Variants in ADCY2 observed in about 807,000 individuals in gnomAD.
ADCY2 encodes the protein adenylate cyclase 2, also known as adenylate cyclase type 2.
A neutral mutation model predicts 125.2 loss-of-function variants in ADCY2; 31 were observed. The observed-to-expected ratio is 0.25, with a 90% confidence interval of 0.19 to 0.33. The LOEUF (loss-of-function observed/expected upper bound fraction) is 0.33. ADCY2 is among the 10% of genes least tolerant of loss of function. The pLI, the probability that ADCY2 is intolerant of heterozygous loss-of-function variation, is 1.00. For missense variants in ADCY2, 904 were observed against 1,418.2 expected, an observed-to-expected ratio of 0.64 and a Z score of 5.82; for synonymous variants, 512 against 548.4, an observed-to-expected ratio of 0.93 and a Z score of 0.93.
At chr5:7,499,241 C>T (rs1016173388) in intron 2 of ADCY2, among the ~76,000 whole-genome samples, 1 of 152,060 alleles carries the variant, frequency 6.6e-6, no homozygotes, top group Non-Finnish European at 1.5e-5. Context: ...CTCTTGACCT[C>T]ATGATCCACC....
At position 7,802,690 on chromosome 5, in the gene ADCY2, G is replaced by C. The variant is rs1269432074; in HGVS notation, c.2775+326G>C. Among the ~76,000 whole-genome samples the C allele has an allele frequency of 6.6e-6, 1 of 152,150 alleles. No homozygotes were observed. Among genetic ancestry groups the C allele is most frequent in the East Asian group, 1.9e-4 (1 of 5,194 alleles). On this transcript the variant is annotated intron_variant, in intron 21 of 24. Transcript: ENST00000338316. This position sits in a 1 kb window ranked among gnomAD's most constrained non-coding sequence, Gnocchi z 4.6. ...TTGCCCATCCCTTTCTAGATAAAAAGATAATGAATTATAATAGACTATTGG... is the reference window on the plus strand; with the variant it reads ...TTGCCCATCCCTTTCTAGATAAAAACATAATGAATTATAATAGACTATTGG...
At chr5:7,493,920 A>G (rs1323485473) in intron 2 of ADCY2, among the ~76,000 whole-genome samples, 2 of 151,918 alleles carry the variant, frequency 1.3e-5, no homozygotes, top group Non-Finnish European at 2.9e-5. Flanking sequence ...AGGTCCATAA[A>G]CCCAGCAGCC....
intron 4 of ADCY2, among the ~76,000 whole-genome samples, chr5:7,632,646 A>G (rs78498595): frequency 1.7e-3 from 252 of 152,326 alleles, no homozygotes; most frequent in African/African-American, 5.8e-3. Flanking sequence ...TGCTATTCCA[A>G]TCCATCGGAA....
intron 2 of ADCY2, among the ~76,000 whole-genome samples, chr5:7,415,541 A>G (rs1739905917): frequency 6.6e-6 from 1 of 152,122 alleles, no homozygotes; most frequent in Admixed American, 6.5e-5. Context: ...TGTTGTCCTT[A>G]AATTCCTTCT....
At chr5:7,744,459 GA>G (rs1406218004) in intron 15 of ADCY2, among the ~76,000 whole-genome samples, 1 of 152,206 alleles carries the variant, frequency 6.6e-6, no homozygotes, top group East Asian at 1.9e-4. Context: ...AGTAGTTGAA[GA>G]AAGCATACGT....
At chr5:7,468,323 A>G (rs1742204832) in intron 2 of ADCY2, among the ~76,000 whole-genome samples, 1 of 152,178 alleles carries the variant, frequency 6.6e-6, no homozygotes, top group South Asian at 2.1e-4. Flanking sequence ...ACTCTTTGTG[A>G]AGTGTTCTTT....
chr5:7,460,406 T>C (rs2126437981), intron 2 of ADCY2, among the ~76,000 whole-genome samples: 1 of 152,278 alleles, frequency 6.6e-6, no homozygotes, highest in East Asian at 1.9e-4. Context: ...GTATCTTTTA[T>C]ACAGTGATAA....
chr5:7,414,481 G>A, intron 1 of ADCY2, 92 bp from the exon 2 acceptor site: 1 of 1,088,432 alleles, frequency 9.2e-7, no homozygotes, highest in East Asian at 2.6e-5. Flanking sequence ...TTCTGACATT[G>A]ACAAGCGTTG....
chr5:7,589,347 A>G (rs1371949329), intron 3 of ADCY2, among the ~76,000 whole-genome samples: 1 of 151,260 alleles, frequency 6.6e-6, no homozygotes, highest in African/African-American at 2.4e-5. Flanking sequence ...CAAAGTAAAA[A>G]AGACTGGAAA....
chr5:7,823,559 T>C lies in ADCY2; in HGVS notation c.3123+2870T>C, dbSNP rs112540749. On this transcript the variant is annotated intron_variant, in intron 24 of 24. Coordinates refer to ENST00000338316, the MANE Select transcript of ADCY2 (RefSeq NM_020546.3). ...AGCCACTTCTAATGCCCAGGGATAC[T>C]CCTGCAATCCTGGACAACCCCAGGT... Among the ~76,000 whole-genome samples the C allele has an allele frequency of 3.2e-3, 487 of 152,304 alleles. 4 individuals carry two copies. Among genetic ancestry groups the C allele is most frequent in the African/African-American group, 0.011 (461 of 41,568 alleles).
intron 4 of ADCY2, among the ~76,000 whole-genome samples, chr5:7,660,230 G>A (rs1251729467): frequency 1.5e-5 from 2 of 134,830 alleles, no homozygotes. Flanking sequence ...GAGGGAGGGA[G>A]GGAGGGAGAG....
At chr5:7,667,455 A>G (rs950816358) in intron 4 of ADCY2, among the ~76,000 whole-genome samples, 1 of 152,168 alleles carries the variant, frequency 6.6e-6, no homozygotes, top group Admixed American at 6.5e-5. Flanking sequence ...CATTTTTTTG[A>G]GTAACTGTTT....
chr5:7,566,780 G>A (rs1029957853), intron 3 of ADCY2, among the ~76,000 whole-genome samples: 2 of 152,092 alleles, frequency 1.3e-5, no homozygotes, highest in Non-Finnish European at 2.9e-5. Context: ...ATTAGTAACT[G>A]TATGGTTGTC....
chr5:7,518,637 G>A (rs72709184), intron 2 of ADCY2, among the ~76,000 whole-genome samples: 1 of 152,264 alleles, frequency 6.6e-6, no homozygotes, highest in Non-Finnish European at 1.5e-5. Flanking sequence ...TGAATGGGAG[G>A]AGACGGGGGC....
chr5:7,400,724 A>C (rs1739232247), intron 1 of ADCY2, among the ~76,000 whole-genome samples: 1 of 152,222 alleles, frequency 6.6e-6, no homozygotes, highest in Non-Finnish European at 1.5e-5. Flanking sequence ...AGTAAAGGTA[A>C]CTAAAGATTC....
At chr5:7,629,814 A>C (rs1262830977) in intron 4 of ADCY2, among the ~76,000 whole-genome samples, 2 of 152,176 alleles carry the variant, frequency 1.3e-5, no homozygotes, top group Non-Finnish European at 2.9e-5. Flanking sequence ...TGGGGTATGT[A>C]ATAGGCTCTC....
intron 12 of ADCY2, among the ~76,000 whole-genome samples, chr5:7,724,246 T>C (rs951381388): frequency 5.3e-5 from 8 of 151,982 alleles, no homozygotes; most frequent in Non-Finnish European, 1.0e-4. Context: ...AGACGACTTA[T>C]CTCCCTTGTT....
chr5:7,501,942 G>C (rs1743610464), intron 2 of ADCY2, among the ~76,000 whole-genome samples: 1 of 152,124 alleles, frequency 6.6e-6, no homozygotes, highest in Admixed American at 6.5e-5. Flanking sequence ...GACGCAGAGA[G>C]TCTCTTTCCT....
intron 20 of ADCY2, among the ~76,000 whole-genome samples, chr5:7,791,231 G>T (rs1322273799): frequency 6.6e-6 from 1 of 151,820 alleles, no homozygotes; most frequent in Non-Finnish European, 1.5e-5. Flanking sequence ...AGTGAGTTTG[G>T]GGTCCTGAGA....
Sources: allele counts gnomAD v4.1 joint callset (sites outside exome capture counted in the v4.1 genomes callset), GRCh38; gene constraint gnomAD v4.1.1; non-coding constraint Gnocchi (gnomAD v3.1); transcripts MANE v1.5; gene names NCBI Gene and HGNC (gene_info 2026-07-23, HGNC 2026-07-21).